Variants in DLC1 observed in about 807,000 individuals in gnomAD.
DLC1 encodes DLC1 Rho GTPase activating protein, also known as rho GTPase-activating protein 7.
In DLC1, 54 loss-of-function variants were observed where a neutral mutation model predicts 140.3. The ratio of observed to expected loss-of-function variants is 0.38; its 90% CI spans 0.31 to 0.48. The LOEUF is 0.48. Ranked by LOEUF, DLC1 falls within the 20% of genes least tolerant of loss-of-function variation. The pLI, the probability that DLC1 is intolerant of heterozygous loss-of-function variation, is 0.96. For synonymous variants in DLC1, 986 were observed against 728.1 expected (o/e 1.35, Z -5.70); for missense variants, 2,536 against 1,907.0 (o/e 1.33, Z -6.14).
intron 2 of DLC1, among the ~76,000 whole-genome samples, chr8:13,462,375 G>A (rs1057374381): frequency 1.3e-5 from 2 of 151,038 alleles, no homozygotes; most frequent in African/African-American, 4.9e-5. Flanking sequence ...TGAACAAGAG[G>A]AATAAAATAC....
intron 1 of DLC1, among the ~76,000 whole-genome samples, chr8:13,564,944 A>C (rs17823499): frequency 0.14 from 21,587 of 152,180 alleles, 1,741 homozygotes; most frequent in Middle Eastern, 0.26. Flanking sequence ...TTGGTCCACA[A>C]AGCATTTTGA....
At chr8:13,109,593 A>AG (rs1819894329) in intron 7 of DLC1, among the ~76,000 whole-genome samples, 1 of 151,142 alleles carries the variant, frequency 6.6e-6, no homozygotes. Context: ...AACAGAACAA[A>AG]AAAAAAACAG....
chr8:13,511,769 T>C (rs1484214656), intron 1 of DLC1, among the ~76,000 whole-genome samples: 1 of 152,188 alleles, frequency 6.6e-6, no homozygotes, highest in Admixed American at 6.5e-5. Flanking sequence ...CTGATCTAGA[T>C]CTTGGTCATT....
chr8:13,394,027 A>G (rs1836898863), intron 3 of DLC1, among the ~76,000 whole-genome samples: 1 of 151,392 alleles, frequency 6.6e-6, no homozygotes, highest in African/African-American at 2.4e-5. Flanking sequence ...CACCTTCCTT[A>G]CTGTGTGACC....
At chr8:13,174,302 T>G (rs1825647668) in intron 5 of DLC1, among the ~76,000 whole-genome samples, 1 of 152,222 alleles carries the variant, frequency 6.6e-6, no homozygotes, top group Admixed American at 6.5e-5. Flanking sequence ...TCTTTGCTGT[T>G]GTGAGCAGTG....
intron 5 of DLC1, among the ~76,000 whole-genome samples, chr8:13,261,672 C>G (rs1830476032): frequency 6.6e-6 from 1 of 151,962 alleles, no homozygotes; most frequent in Admixed American, 6.6e-5. Flanking sequence ...CGTCTAGATG[C>G]ATTTGCAGGT....
At chr8:13,088,157 T>C in intron 16 of DLC1, among the ~76,000 whole-genome samples, 1 of 152,340 alleles carries the variant, frequency 6.6e-6, no homozygotes, top group Non-Finnish European at 1.5e-5. Context: ...CACAGCTCAC[T>C]GCGGCCTCAA....
intron 1 of DLC1, among the ~76,000 whole-genome samples, chr8:13,592,854 T>C (rs1351317345): frequency 6.6e-6 from 1 of 152,164 alleles, no homozygotes; most frequent in African/African-American, 2.4e-5. Flanking sequence ...CATTTTGCCA[T>C]GTTAGCGTCC....
intron 1 of DLC1, among the ~76,000 whole-genome samples, chr8:13,592,346 T>G (rs1805541427): frequency 6.6e-6 from 1 of 152,092 alleles, no homozygotes; most frequent in Non-Finnish European, 1.5e-5. Context: ...AAATTTGTAT[T>G]TTGTTTGTTT....
intron 4 of DLC1, among the ~76,000 whole-genome samples, chr8:13,362,338 T>G (rs1219485709): frequency 1.3e-5 from 2 of 152,158 alleles, no homozygotes; most frequent in Admixed American, 6.5e-5. Context: ...TTGGAAAAAT[T>G]TCTTTGACAT....
chr8:13,227,137 C>A (rs1828830184), intron 5 of DLC1, among the ~76,000 whole-genome samples: 1 of 152,086 alleles, frequency 6.6e-6, no homozygotes, highest in Non-Finnish European at 1.5e-5. Flanking sequence ...ATCCTCCCAC[C>A]ACTATTAATA....
intron 5 of DLC1, among the ~76,000 whole-genome samples, chr8:13,186,768 T>G (rs1371085099): frequency 6.6e-6 from 1 of 152,246 alleles, no homozygotes; most frequent in Non-Finnish European, 1.5e-5. Flanking sequence ...CTGCTCTGGT[T>G]TCTTCCCACC....
intron 1 of DLC1, among the ~76,000 whole-genome samples, chr8:13,508,572 C>G (rs561411908): frequency 2.6e-4 from 39 of 152,100 alleles, no homozygotes; most frequent in Non-Finnish European, 4.7e-4. Flanking sequence ...TGCCCATCAC[C>G]AAGCCCGGCT....
intron 5 of DLC1, among the ~76,000 whole-genome samples, chr8:13,117,508 C>A (rs543458916): frequency 6.6e-6 from 1 of 152,220 alleles, no homozygotes; most frequent in African/African-American, 2.4e-5. Context: ...CTTACTTTTG[C>A]CCTATCTGTG....
chr8:13,384,130 C>G (rs1186624430), intron 4 of DLC1, among the ~76,000 whole-genome samples: 3 of 152,172 alleles, frequency 2.0e-5, no homozygotes, highest in Non-Finnish European at 2.9e-5. Flanking sequence ...ATTTATTATA[C>G]AACAACAGAT....
chr8:13,289,523 C>T (rs919882768), intron 5 of DLC1, among the ~76,000 whole-genome samples: 10 of 151,936 alleles, frequency 6.6e-5, no homozygotes, highest in African/African-American at 2.4e-4. Context: ...TAGAGGCAAG[C>T]TCTCACTATG....
intron 2 of DLC1, among the ~76,000 whole-genome samples, chr8:13,439,779 C>A (rs1798402117): frequency 6.6e-6 from 1 of 152,124 alleles, no homozygotes. Context: ...TTCCAGAAAA[C>A]CCTCGCTGCC....
At chr8:13,443,427 A>G (rs536734209) in intron 2 of DLC1, among the ~76,000 whole-genome samples, 1 of 151,558 alleles carries the variant, frequency 6.6e-6, no homozygotes, top group African/African-American at 2.4e-5. Flanking sequence ...TGGGAGGCCA[A>G]GGCAGGAGGA....
At chr8:13,357,343 A>T (rs1352976283) in intron 4 of DLC1, among the ~76,000 whole-genome samples, 1 of 152,196 alleles carries the variant, frequency 6.6e-6, no homozygotes, top group African/African-American at 2.4e-5. Context: ...TGTGTTTCAG[A>T]TGCACCATGT....
Sources: allele counts gnomAD v4.1 joint callset (sites outside exome capture counted in the v4.1 genomes callset), GRCh38; gene constraint gnomAD v4.1.1; transcripts MANE v1.5; gene names NCBI Gene and HGNC (gene_info 2026-07-23, HGNC 2026-07-21).